The following RSBN1L variants were observed in gnomAD, a reference collection of about 807,000 sequenced individuals.
The protein encoded by RSBN1L is lysine-specific demethylase RSBN1L.
RSBN1L carries 30 observed loss-of-function variants against 67.7 expected under a neutral mutation model. That is an observed-to-expected ratio of 0.44 (90% CI 0.33 to 0.60). The LOEUF (loss-of-function observed/expected upper bound fraction) is 0.60, where lower values mean the gene tolerates loss of function less well. RSBN1L is among the 20% of genes least tolerant of loss of function. RSBN1L has a pLI of 0.02. For synonymous variants in RSBN1L, 433 were observed against 387.0 expected (o/e 1.12, Z -1.39); for missense variants, 992 against 1,031.7 (o/e 0.96, Z 0.53).
At chr7:77,755,220 ATTAATG>A (rs1791601387) in intron 3 of RSBN1L, among the ~76,000 whole-genome samples, 1 of 152,234 alleles carries the variant, frequency 6.6e-6, no homozygotes, top group South Asian at 2.1e-4. Flanking sequence ...ATAAAGCCAA[ATTAATG>A]TTAAAGTGTT....
At chr7:77,705,809 G>A (rs1307711668) in intron 1 of RSBN1L, among the ~76,000 whole-genome samples, 1 of 152,010 alleles carries the variant, frequency 6.6e-6, no homozygotes, top group Admixed American at 6.6e-5. Flanking sequence ...GCCTGTAATG[G>A]TTCATTTTTA....
rs1341489628 is a variant in RSBN1L, at chr7:77,726,775, A to AT, written c.587-9635_587-9634insT. ...CAGGCGCGTGCCACCACACCCAGCT[A>AT]ATTTTTTTTTTTTTTTTTTTTTGAG... On this transcript the variant is annotated intron_variant, in intron 1 of 7. Coordinates refer to ENST00000334955, the MANE Select transcript of RSBN1L (RefSeq NM_198467.3). Among the ~76,000 whole-genome samples the AT allele has an allele frequency of 1.1e-3, 82 of 77,482 alleles. 1 individual carries two copies. Among genetic ancestry groups the AT allele is most frequent in the African/African-American group, 4.6e-3 (78 of 16,968 alleles). The allele number at this position is 77,482 out of a possible 152,430, so 50.8% of individuals were successfully genotyped here.
At position 77,742,182 on chromosome 7, in the gene RSBN1L, T is replaced by TACACACACAC. The variant is rs1169498942; in HGVS notation, c.703+5683_703+5692dup. 1.7e-3 allele frequency among the ~76,000 whole-genome samples: 134 copies of TACACACACAC among 80,282 alleles called. 2 individuals are homozygous for TACACACACAC. Among genetic ancestry groups the TACACACACAC allele is most frequent in the Middle Eastern group, 7.2e-3 (1 of 138 alleles). 52.7% of individuals were successfully genotyped at this position (80,282 alleles called of 152,430 possible). Reference sequence around the variant, plus strand: ...CCATCTTTAAAAAAAAAAAAAAAAATACACACACACACACACACACACACA... The same window carrying TACACACACAC: ...CCATCTTTAAAAAAAAAAAAAAAAATACACACACACACACACACACACACACACACACACA... On this transcript the variant is annotated intron_variant, in intron 2 of 7. Coordinates refer to ENST00000334955, the MANE Select transcript of RSBN1L (RefSeq NM_198467.3).
intron 6 of RSBN1L, among the ~76,000 whole-genome samples, chr7:77,775,751 C>T (rs1791904808): frequency 6.6e-6 from 1 of 151,926 alleles, no homozygotes; most frequent in Admixed American, 6.6e-5. Flanking sequence ...TTTTATATGT[C>T]CACTTTAAAA....
intron 3 of RSBN1L, among the ~76,000 whole-genome samples, chr7:77,754,795 C>G (rs1438763950): frequency 6.6e-6 from 1 of 152,112 alleles, no homozygotes; most frequent in East Asian, 1.9e-4. Flanking sequence ...CATAGCAAGG[C>G]CCATGTCTCT....
At position 77,780,887 on chromosome 7, in the gene RSBN1L, T is replaced by C. The variant is rs1791989827; in HGVS notation, c.*1719T>C. On this transcript the variant is annotated 3_prime_UTR_variant, in exon 8 of 8. Transcript: ENST00000334955. ...ATTGTAATTAAAAATCAGAAGTCTTTGATGTATGCGTTGCTGTAAGAAACT... is the reference window on the plus strand; with the variant it reads ...ATTGTAATTAAAAATCAGAAGTCTTCGATGTATGCGTTGCTGTAAGAAACT... The C allele has an allele frequency of 6.6e-6, 1 of 152,250 alleles. No individual in the cohort carries two copies. The highest frequency in any genetic ancestry group is 1.5e-5 in the Non-Finnish European group (1 of 68,050). The allele number at this position is 152,250 out of a possible 1,614,324, so 9.4% of individuals were successfully genotyped here. A position where few individuals can be genotyped will look rare whatever the true frequency, so the allele number is the denominator to read the frequency against.
chr7:77,698,326 G>T (rs181209735), intron 1 of RSBN1L, among the ~76,000 whole-genome samples: 1 of 152,330 alleles, frequency 6.6e-6, no homozygotes, highest in African/African-American at 2.4e-5. Flanking sequence ...GGTACTTTTA[G>T]TCAGGAATTC....
At chr7:77,697,135 G>C in intron 1 of RSBN1L, 80 bp downstream of exon 1, 2 of 1,291,802 alleles carry the variant, frequency 1.5e-6, no homozygotes, top group Non-Finnish European at 2.0e-6. Flanking sequence ...CCCGGGAAGG[G>C]GGAGCGCGGC....
chr7:77,757,234 T>A (rs1791631477), intron 3 of RSBN1L, among the ~76,000 whole-genome samples: 2 of 152,246 alleles, frequency 1.3e-5, no homozygotes, highest in Admixed American at 1.3e-4. Flanking sequence ...TAAACACATA[T>A]ACACAACACT....
At chr7:77,703,271 C>T (rs543784051) in intron 1 of RSBN1L, among the ~76,000 whole-genome samples, 2 of 152,114 alleles carry the variant, frequency 1.3e-5, no homozygotes, top group South Asian at 4.1e-4. Flanking sequence ...GCCCTATTTC[C>T]TAGCGCCCTC....
At chr7:77,752,268 TG>T (rs765867455) in intron 3 of RSBN1L, among the ~76,000 whole-genome samples, 2 of 152,218 alleles carry the variant, frequency 1.3e-5, no homozygotes, top group Non-Finnish European at 2.9e-5. Flanking sequence ...GTTGTGGTTC[TG>T]GCCCCATATC....
chr7:77,702,830 A>T (rs1213148667), intron 1 of RSBN1L, among the ~76,000 whole-genome samples: 1 of 152,118 alleles, frequency 6.6e-6, no homozygotes, highest in East Asian at 1.9e-4. Context: ...TGCTCACATG[A>T]CTTTTCCTAT....
chr7:77,716,733 G>A (rs1791054435), intron 1 of RSBN1L, among the ~76,000 whole-genome samples: 2 of 145,092 alleles, frequency 1.4e-5, no homozygotes, highest in Admixed American at 1.5e-4. Flanking sequence ...CTGTGTTCAA[G>A]CGATTGTCCT....
chr7:77,749,373 G>A, intron 2 of RSBN1L, 51 bp from the exon 3 acceptor site: 2 of 1,347,710 alleles, frequency 1.5e-6, no homozygotes, highest in Non-Finnish European at 9.9e-7. Flanking sequence ...CTAAAGCATG[G>A]TTTTTAAAGT....
chr7:77,744,583 A>C (rs1319918154), intron 2 of RSBN1L, among the ~76,000 whole-genome samples: 1 of 151,386 alleles, frequency 6.6e-6, no homozygotes, highest in Non-Finnish European at 1.5e-5. Flanking sequence ...CGCCCGGCTA[A>C]TTTTTCATAT....
rs1402734534 is a variant in RSBN1L, at chr7:77,782,155, G to A, written c.*2987G>A. 3 of 151,900 alleles carry A rather than the reference G, an allele frequency of 2.0e-5. No homozygotes were observed. Among genetic ancestry groups the A allele is most frequent in the Admixed American group, 2.0e-4 (3 of 15,244 alleles). The allele number at this position is 151,900 out of a possible 1,614,324, so 9.4% of individuals were successfully genotyped here. A position where few individuals can be genotyped will look rare whatever the true frequency, so the allele number is the denominator to read the frequency against. Reference sequence around the variant, plus strand: ...AACTTGTTGACTACCTTTGTTACATGCAAAAATTTTCTATTTTAATATTGC... The same window carrying A: ...AACTTGTTGACTACCTTTGTTACATACAAAAATTTTCTATTTTAATATTGC... On this transcript the variant is annotated 3_prime_UTR_variant, in exon 8 of 8. Transcript: ENST00000334955.
At position 77,696,571 on chromosome 7, in the gene RSBN1L, G is replaced by A; in HGVS notation, c.102G>A (p.Arg34=). The A allele has an allele frequency of 1.9e-6, 3 of 1,614,132 alleles. No individual in the cohort carries two copies. The highest frequency in any genetic ancestry group is 2.5e-6 in the Non-Finnish European group (3 of 1,180,008). Residue 34 remains arginine, a synonymous_variant, in exon 1 of 8, where the codon CGG becomes CGA. Transcript: ENST00000334955. ...TTGGCAAGCTGCAACTCTCCTCCCG[G>A]GACCCTCCGGGTTCTCTGTCCGCCA... ...EPFGKLQLSS[R]DPPGSLSAKK...
At chr7:77,729,821 G>A (rs866194519) in intron 1 of RSBN1L, among the ~76,000 whole-genome samples, 6 of 152,052 alleles carry the variant, frequency 3.9e-5, no homozygotes, top group South Asian at 2.1e-4. Context: ...GGGTGTGATG[G>A]TGTACACCTG....
At position 77,774,909 on chromosome 7, in the gene RSBN1L, T is replaced by C. The variant is rs554380101; in HGVS notation, c.1793+1595T>C. On this transcript the variant is annotated intron_variant, in intron 6 of 7. Coordinates refer to ENST00000334955, the MANE Select transcript of RSBN1L (RefSeq NM_198467.3). ...TAGGGCCTCACTCTGTTGCCCAGGC[T>C]ATAGTTCAGTGGTGCTGTCATGGCT... Among the ~76,000 whole-genome samples the C allele has an allele frequency of 8.5e-5, 13 of 152,288 alleles. No homozygotes were observed. In the East Asian group the frequency reaches 1.7e-3, roughly 20 times the overall value.
Sources: gnomAD v4.1 joint callset for allele counts (sites outside exome capture counted in the v4.1 genomes callset) on GRCh38, gnomAD v4.1.1 for gene constraint, MANE v1.5 for transcripts, NCBI Gene and HGNC (gene_info 2026-07-23, HGNC 2026-07-21) for gene names.